Variants in DPP6 observed in about 807,000 individuals in gnomAD.
DPP6 encodes A-type potassium channel modulatory protein DPP6.
In DPP6, 69 loss-of-function variants were observed where a neutral mutation model predicts 122.6. The ratio of observed to expected loss-of-function variants is 0.56; its 90% confidence interval spans 0.46 to 0.69. DPP6 has a LOEUF of 0.69. Among genes scored for constraint, DPP6 ranks in the 30% least tolerant of loss-of-function variants. The pLI is 0.00. For synonymous variants in DPP6, 418 were observed against 433.1 expected, an observed-to-expected ratio of 0.97 and a Z score of 0.43; for missense variants, 928 against 1,116.9, an observed-to-expected ratio of 0.83 and a Z score of 2.41.
chr7:153,920,451 A>G (rs907755535), intron 1 of DPP6, among the ~76,000 whole-genome samples: 2 of 152,146 alleles, frequency 1.3e-5, no homozygotes, highest in South Asian at 2.1e-4. Flanking sequence ...GCCTCAAAGC[A>G]GCGAGAAAGG....
At chr7:154,373,758 A>G (rs1586089958) in intron 1 of DPP6, among the ~76,000 whole-genome samples, 1 of 152,126 alleles carries the variant, frequency 6.6e-6, no homozygotes, top group Non-Finnish European at 1.5e-5. Context: ...TCCCGAACGG[A>G]AACTGCGCTA....
rs932996383 is a variant in DPP6 at position 154,755,108 on chromosome 7, C to T, written c.884-14309C>T. 4.8e-5 allele frequency among the ~76,000 whole-genome samples: 7 copies of T among 146,588 alleles called. No homozygotes were observed. The highest frequency in any genetic ancestry group is 1.3e-4 in the African/African-American group (5 of 38,962). ...TGTATACCTATGTAACAAACCTGCA[C>T]GTTCTGCACATGTATCCCAGAACTT... On this transcript the variant is annotated intron_variant, in intron 8 of 25. Transcript: ENST00000377770. The surrounding 1 kb of genome is among the most constrained non-coding windows in gnomAD (Gnocchi z 4.7).
At chr7:154,414,595 C>T (rs569474579) in intron 1 of DPP6, among the ~76,000 whole-genome samples, 1 of 152,308 alleles carries the variant, frequency 6.6e-6, no homozygotes, top group East Asian at 1.9e-4. Flanking sequence ...CCAAGCCTTA[C>T]TCAGTCATTC....
At chr7:154,032,727 A>G (rs1481291000) in intron 1 of DPP6, among the ~76,000 whole-genome samples, 1 of 152,154 alleles carries the variant, frequency 6.6e-6, no homozygotes, top group Non-Finnish European at 1.5e-5. Context: ...AGATTGTTCT[A>G]GGAGTTCATT....
chr7:154,682,986 T>G (rs956486995), intron 7 of DPP6, among the ~76,000 whole-genome samples: 5 of 152,080 alleles, frequency 3.3e-5, no homozygotes, highest in Non-Finnish European at 7.3e-5. Context: ...GTTGTTTTGT[T>G]TTGTTTTTTG....
At chr7:154,700,717 C>A (rs1233341866) in intron 7 of DPP6, among the ~76,000 whole-genome samples, 1 of 152,036 alleles carries the variant, frequency 6.6e-6, no homozygotes, top group African/African-American at 2.4e-5. Context: ...GGCGGTGGCC[C>A]CTCGAACCCC....
the DPP6 span, among the ~76,000 whole-genome samples, chr7:153,802,128 C>A: frequency 2.0e-5 from 3 of 152,172 alleles, no homozygotes; most frequent in Non-Finnish European, 4.4e-5. Flanking sequence ...GCAGGCACAC[C>A]ATGGTGCCAA....
chr7:154,042,542 G>A (rs538377821), intron 1 of DPP6, among the ~76,000 whole-genome samples: 2 of 152,316 alleles, frequency 1.3e-5, no homozygotes, highest in Admixed American at 1.3e-4. Context: ...AAGTGGAGGA[G>A]CAATAGAAGA....
At position 154,116,542 on chromosome 7, in the gene DPP6, A is replaced by G. The variant is rs376175859; in HGVS notation, c.243+63479A>G. On this transcript the variant is annotated intron_variant, in intron 1 of 25. Transcript: ENST00000377770. Reference sequence around the variant, plus strand: ...AGTTTACTTTCCCCAATAAAACAAAACCTAAAGTATTTGGTCTTTAATAAA... The same window carrying G: ...AGTTTACTTTCCCCAATAAAACAAAGCCTAAAGTATTTGGTCTTTAATAAA... Among the ~76,000 whole-genome samples, 4 of 152,306 alleles carry G rather than the reference A, an allele frequency of 2.6e-5. No homozygotes were observed. The East Asian group carries it at 5.8e-4, about 22-fold the overall frequency.
intron 2 of DPP6, among the ~76,000 whole-genome samples, chr7:154,452,443 C>T (rs1228785548): frequency 6.6e-6 from 1 of 152,200 alleles, no homozygotes; most frequent in African/African-American, 2.4e-5. Flanking sequence ...CGTCACACTT[C>T]GCATATGTTT....
At chr7:154,421,315 CT>C (rs35388071) in intron 1 of DPP6, among the ~76,000 whole-genome samples, 113,621 of 140,778 alleles carry the variant, frequency 0.81, 48,324 homozygotes, top group East Asian at 0.98. Flanking sequence ...ATGTCAGTTT[CT>C]TTTTTTTTTT....
intron 11 of DPP6, 84 bp from the exon 12 acceptor site, chr7:154,795,761 G>A: frequency 1.3e-6 from 2 of 1,530,144 alleles, no homozygotes; most frequent in Non-Finnish European, 1.8e-6. Context: ...TTCCTGCACT[G>A]TCGGTCACAG....
chr7:154,113,117 C>T (rs190810202), intron 1 of DPP6, among the ~76,000 whole-genome samples: 359 of 152,252 alleles, frequency 2.4e-3, no homozygotes, highest in African/African-American at 7.9e-3. Flanking sequence ...TTTATCCATT[C>T]GTCTGTCAAT....
At chr7:154,031,852 CT>C (rs1286174985) in intron 1 of DPP6, among the ~76,000 whole-genome samples, 1 of 143,740 alleles carries the variant, frequency 7.0e-6, no homozygotes, top group Admixed American at 7.0e-5. Flanking sequence ...TTCTTTTTTC[CT>C]TTTTTTTGTT....
At chr7:153,855,706 G>C in the DPP6 span, among the ~76,000 whole-genome samples, 1 of 152,090 alleles carries the variant, frequency 6.6e-6, no homozygotes, top group African/African-American at 2.4e-5. Flanking sequence ...CACTCAGCCA[G>C]ACATTGGACA....
At chr7:154,485,513 C>G (rs1823708117) in intron 3 of DPP6, among the ~76,000 whole-genome samples, 1 of 152,184 alleles carries the variant, frequency 6.6e-6, no homozygotes, top group Non-Finnish European at 1.5e-5. Context: ...TTCTGCCTAA[C>G]ACAGTTTCAA....
chr7:154,526,240 C>CT (rs1220688737), intron 3 of DPP6, among the ~76,000 whole-genome samples: 1 of 152,128 alleles, frequency 6.6e-6, no homozygotes, highest in East Asian at 1.9e-4. Flanking sequence ...AAGATAATAT[C>CT]TTTAACACTG....
chr7:154,424,640 C>A (rs536458690), intron 1 of DPP6, among the ~76,000 whole-genome samples: 1 of 152,340 alleles, frequency 6.6e-6, no homozygotes, highest in East Asian at 1.9e-4. Flanking sequence ...GGAATACTAA[C>A]TCCATCTGCT....
intron 6 of DPP6, among the ~76,000 whole-genome samples, chr7:154,650,129 G>A (rs1836777039): frequency 6.6e-6 from 1 of 152,104 alleles, no homozygotes; most frequent in South Asian, 2.1e-4. Context: ...AGACCAGCCT[G>A]GGCAACATAG....
Sources: allele counts gnomAD v4.1 joint callset (sites outside exome capture counted in the v4.1 genomes callset), GRCh38; gene constraint gnomAD v4.1.1; non-coding constraint Gnocchi (gnomAD v3.1); transcripts MANE v1.5; gene names NCBI Gene and HGNC (gene_info 2026-07-23, HGNC 2026-07-21).